KCTD8: variants seen among roughly 807,000 people sequenced by gnomAD.
KCTD8 encodes BTB/POZ domain-containing protein KCTD8.
In KCTD8, 27 loss-of-function variants were observed where a neutral mutation model predicts 31.5. That is an observed-to-expected ratio of 0.86 (90% CI 0.63 to 1.18). KCTD8 has a LOEUF of 1.18. KCTD8 is among the 50% of genes most tolerant of loss of function. The pLI is 0.00. For synonymous variants in KCTD8, 290 were observed against 280.0 expected, an observed-to-expected ratio of 1.04 and a Z score of -0.36; for missense variants, 658 against 647.7, an observed-to-expected ratio of 1.02 and a Z score of -0.17.
intron 1 of KCTD8, among the ~76,000 whole-genome samples, chr4:44,333,836 T>C (rs890477012): frequency 6.6e-6 from 1 of 151,936 alleles, no homozygotes; most frequent in Non-Finnish European, 1.5e-5. Context: ...TAAAAAGGAG[T>C]GACTGCTATA....
chr4:44,409,616 A>C (rs961356054), intron 1 of KCTD8, among the ~76,000 whole-genome samples: 5 of 152,192 alleles, frequency 3.3e-5, no homozygotes, highest in Non-Finnish European at 7.3e-5. Flanking sequence ...TAAGGAACGT[A>C]CTACAGAACA....
In KCTD8 at chr4:44,174,920, C is replaced by T. The variant is rs560985341; in HGVS notation, c.1292G>A (p.Cys431Tyr). The change falls in exon 2 of 2, where the codon TGT (cysteine) becomes TAT (tyrosine). Residue 431 changes from cysteine (C) to tyrosine (Y), a missense_variant. Physicochemically the swap from Cys to Tyr is radical, Grantham distance 194. Transcript: ENST00000360029. ...RETNLSKKKV[C>Y]EKLSVEEEMK... ...TTCTTCTTCCACACTTAGCTTCTCACAGACTTTCTTTTTGGACAGATTTGT... is the reference window on the plus strand; with the variant it reads ...TTCTTCTTCCACACTTAGCTTCTCATAGACTTTCTTTTTGGACAGATTTGT... The T allele has an allele frequency of 1.9e-6, 3 of 1,614,032 alleles. No homozygotes were observed. The African/African-American group carries it at 4.0e-5, about 22-fold the overall frequency.
At chr4:44,335,854 T>C (rs1002843352) in intron 1 of KCTD8, among the ~76,000 whole-genome samples, 10 of 151,748 alleles carry the variant, frequency 6.6e-5, no homozygotes, top group Admixed American at 1.3e-4. Context: ...CAACCCACAA[T>C]AGAAAAAATA....
intron 1 of KCTD8, among the ~76,000 whole-genome samples, chr4:44,244,865 C>A (rs1278436248): frequency 1.4e-5 from 2 of 147,580 alleles, no homozygotes; most frequent in Non-Finnish European, 1.5e-5. Context: ...GGGGGGTCTT[C>A]ATTTTGAAGG....
chr4:44,207,510 C>A (rs1714349485), intron 1 of KCTD8, among the ~76,000 whole-genome samples: 1 of 152,192 alleles, frequency 6.6e-6, no homozygotes, highest in Admixed American at 6.5e-5. Context: ...AGGTATTTGA[C>A]AATATCTGTT....
At chr4:44,335,696 T>G (rs2109415171) in intron 1 of KCTD8, among the ~76,000 whole-genome samples, 1 of 152,304 alleles carries the variant, frequency 6.6e-6, no homozygotes, top group Admixed American at 6.5e-5. Flanking sequence ...TTAGGATACT[T>G]TCAGGAAATA....
chr4:44,411,239 A>G (rs1720945978), intron 1 of KCTD8, among the ~76,000 whole-genome samples: 1 of 152,062 alleles, frequency 6.6e-6, no homozygotes, highest in African/African-American at 2.4e-5. Context: ...TTAACCAGGT[A>G]TGGTGGTGTG....
At chr4:44,429,207 A>C (rs1319328071) in intron 1 of KCTD8, among the ~76,000 whole-genome samples, 1 of 151,610 alleles carries the variant, frequency 6.6e-6, no homozygotes, top group Non-Finnish European at 1.5e-5. Flanking sequence ...GAAAGATTTA[A>C]AAAAAAAGCT....
At chr4:44,215,008 T>C (rs1469753840) in intron 1 of KCTD8, among the ~76,000 whole-genome samples, 1 of 152,164 alleles carries the variant, frequency 6.6e-6, no homozygotes, top group East Asian at 1.9e-4. Flanking sequence ...ATGGATCATC[T>C]AGTCTTGTGG....
chr4:44,338,615 TACC>T (rs1718816056), intron 1 of KCTD8, among the ~76,000 whole-genome samples: 1 of 152,212 alleles, frequency 6.6e-6, no homozygotes, highest in Non-Finnish European at 1.5e-5. Context: ...GCGTGAGTGA[TACC>T]ACACGTGTGG....
At chr4:44,348,805 T>C (rs1347209090) in intron 1 of KCTD8, among the ~76,000 whole-genome samples, 6 of 152,118 alleles carry the variant, frequency 3.9e-5, no homozygotes, top group African/African-American at 1.2e-4. Context: ...TCTTGCTGTG[T>C]TCACCCTCCT....
At chr4:44,371,562 G>A (rs913761543) in intron 1 of KCTD8, among the ~76,000 whole-genome samples, 1 of 152,148 alleles carries the variant, frequency 6.6e-6, no homozygotes, top group Non-Finnish European at 1.5e-5. Flanking sequence ...AAAGGATATT[G>A]AAAGCATTGG....
At chr4:44,280,425 G>A (rs937662236) in intron 1 of KCTD8, among the ~76,000 whole-genome samples, 18 of 151,870 alleles carry the variant, frequency 1.2e-4, no homozygotes, top group Non-Finnish European at 2.2e-4. Flanking sequence ...TATCACCGTC[G>A]AGAGCTGCAT....
rs577753631 is a variant in KCTD8 at position 44,302,505 on chromosome 4, T to C, written c.962-127255A>G. On this transcript the variant is annotated intron_variant, in intron 1 of 1. Coordinates refer to ENST00000360029, the MANE Select transcript of KCTD8 (RefSeq NM_198353.3). ...ATTGTGAATGGGAGTTCACTCATGA[T>C]TTGGCTCTCTGTTTGTCTGTTATTG... Among the ~76,000 whole-genome samples the C allele has an allele frequency of 4.4e-3, 663 of 152,262 alleles. 4 individuals carry two copies. The highest frequency in any genetic ancestry group is 7.0e-3 in the Non-Finnish European group (477 of 68,030).
chr4:44,260,972 AGAT>A (rs1242018544), intron 1 of KCTD8, among the ~76,000 whole-genome samples: 2 of 152,040 alleles, frequency 1.3e-5, no homozygotes, highest in Non-Finnish European at 2.9e-5. Flanking sequence ...AAGATGTAAA[AGAT>A]GAAAGTAACG....
In KCTD8 at chr4:44,304,960, G is replaced by C. The variant is rs576471541; in HGVS notation, c.962-129710C>G. Among the ~76,000 whole-genome samples, 255 of 140,556 alleles carry C rather than the reference G, an allele frequency of 1.8e-3. 1 individual carries two copies. The highest frequency in any genetic ancestry group is 6.0e-3 in the African/African-American group (230 of 38,424). 92.2% of individuals were successfully genotyped at this position (140,556 alleles called of 152,430 possible). ...AGGTGACAGAACTAGATCCTGTCTA[G>C]AAAAAAAAAAAGTCCAGAACCAAAA... On this transcript the variant is annotated intron_variant, in intron 1 of 1. Coordinates refer to ENST00000360029, the MANE Select transcript of KCTD8 (RefSeq NM_198353.3).
At chr4:44,288,833 A>G (rs912534858) in intron 1 of KCTD8, among the ~76,000 whole-genome samples, 2 of 152,002 alleles carry the variant, frequency 1.3e-5, no homozygotes, top group African/African-American at 4.8e-5. Context: ...TATACTGAGA[A>G]GTGTATGTAT....
At chr4:44,228,115 T>A (rs1406773278) in intron 1 of KCTD8, among the ~76,000 whole-genome samples, 1 of 152,156 alleles carries the variant, frequency 6.6e-6, no homozygotes, top group East Asian at 1.9e-4. Flanking sequence ...TCTCCCCTTA[T>A]CAGTTTGCTA....
chr4:44,218,023 A>G lies in KCTD8; in HGVS notation c.962-42773T>C, dbSNP rs557886855. Reference sequence around the variant, plus strand: ...TTTTCACATACATGTATATCCTATTAGTTCTGTCCCTCTGCAGGACCCTGA... The same window carrying G: ...TTTTCACATACATGTATATCCTATTGGTTCTGTCCCTCTGCAGGACCCTGA... On this transcript the variant is annotated intron_variant, in intron 1 of 1. Coordinates refer to ENST00000360029, the MANE Select transcript of KCTD8 (RefSeq NM_198353.3). Among the ~76,000 whole-genome samples the G allele has an allele frequency of 1.4e-4, 21 of 150,798 alleles. No individual in the cohort carries two copies. The East Asian group carries it at 2.2e-3, about 16-fold the overall frequency.
Sources: gnomAD v4.1 joint callset for allele counts (sites outside exome capture counted in the v4.1 genomes callset) on GRCh38, gnomAD v4.1.1 for gene constraint, MANE v1.5 for transcripts, NCBI Gene and HGNC (gene_info 2026-07-23, HGNC 2026-07-21) for gene names.